COL17A1: variants seen among roughly 807,000 people sequenced by gnomAD.
COL17A1 encodes collagen type XVII alpha 1 chain, also known as collagen alpha-1(XVII) chain.
A neutral mutation model predicts 218.4 loss-of-function variants in COL17A1; 181 were observed. That is an observed-to-expected ratio of 0.83 (90% CI 0.73 to 0.94). The LOEUF (loss-of-function observed/expected upper bound fraction) is 0.94, where lower values mean the gene tolerates loss of function less well. COL17A1 is among the 40% of genes least tolerant of loss of function. The pLI is 0.00. For synonymous variants in COL17A1, 721 were observed against 731.0 expected, an observed-to-expected ratio of 0.99 and a Z score of 0.22; for missense variants, 1,924 against 1,945.9, an observed-to-expected ratio of 0.99 and a Z score of 0.21.
At chr10:104,038,279 C>G in intron 45 of COL17A1, 127 bp downstream of exon 45, 1 of 887,712 alleles carries the variant, frequency 1.1e-6, no homozygotes, top group Non-Finnish European at 1.8e-6. Context: ...CACACACACA[C>G]ACTCCCACTG....
At position 104,059,683 on chromosome 10, in the gene COL17A1, G is replaced by T. The variant is rs965570529; in HGVS notation, c.1177C>A (p.Gln393Lys). 5 of 1,614,086 alleles carry T rather than the reference G, an allele frequency of 3.1e-6. No individual in the cohort carries two copies. The highest frequency in any genetic ancestry group is 4.2e-6 in the Non-Finnish European group (5 of 1,180,042). The change falls in exon 15 of 56, where the codon CAA (glutamine) becomes AAA (lysine). Residue 393 changes from glutamine (Q) to lysine (K), a missense_variant. By Grantham distance (53) the Gln-to-Lys change is moderately conservative (BLOSUM62 1). Transcript: ENST00000648076. ...FSEDTLKKEK[Q>K]AAYNADSGLK... ...CCTGAGTCAGCATTGTAGGCAGCTTGCTTTTCTTTTTTTAGGGTGTCTTCT... is the reference window on the plus strand; with the variant it reads ...CCTGAGTCAGCATTGTAGGCAGCTTTCTTTTCTTTTTTTAGGGTGTCTTCT...
rs142902300 is a variant in COL17A1, at chr10:104,035,321, C to G, written c.3561G>C (p.Gly1187=). ...VGPPGPPGPP[G]IPGNVWSSIS... is the part of the protein sequence containing the mutation. ...TGCTGGACCACACATTGCCTGGGAT[C>G]CCTGGTGGACCCGGGGGACCTGGGG... Residue 1187 remains glycine, a synonymous_variant, in exon 50 of 56, where the codon GGG becomes GGC. Coordinates refer to ENST00000648076, the MANE Select transcript of COL17A1 (RefSeq NM_000494.4). 1.9e-6 allele frequency: 3 copies of G among 1,614,096 alleles called. No individual in the cohort carries two copies. In the African/African-American group the frequency reaches 4.0e-5, roughly 22 times the overall value.
In COL17A1 at chr10:104,037,816, G is replaced by C. The variant is rs750084527; in HGVS notation, c.3071-43C>G. 6.2e-6 allele frequency: 10 copies of C among 1,607,104 alleles called. No individual in the cohort carries two copies. In the Admixed American group the frequency reaches 1.7e-4, roughly 27 times the overall value. On this transcript the variant is annotated intron_variant, in intron 45 of 55. Coordinates refer to ENST00000648076, the MANE Select transcript of COL17A1 (RefSeq NM_000494.4). ...AAGCAAAGTCAAGCCTGTCCCAAGA[G>C]GACATGTTCTCCCCACGGAGGTGAC...
Position 104,057,113 on chromosome 10 carries a change from C to T in COL17A1, c.1327G>A (p.Gly443Ser). Reference sequence around the variant, plus strand: ...GGTCCCCAAGGGCCGCCGCCAGCGCCACCAACACCGCCACCTCCTCCACTG... The same window carrying T: ...GGTCCCCAAGGGCCGCCGCCAGCGCTACCAACACCGCCACCTCCTCCACTG... ...GGSGGGGGVG[G>S]AGGGPWGPAP... Residue 443 changes from glycine (G) to serine (S), a missense_variant, in exon 17 of 56, where the codon GGC becomes AGC. Coordinates refer to ENST00000648076, the MANE Select transcript of COL17A1 (RefSeq NM_000494.4). The T allele has an allele frequency of 6.2e-7, 1 of 1,602,844 alleles. No individual in the cohort carries two copies. Among genetic ancestry groups the T allele is most frequent in the Non-Finnish European group, 8.5e-7 (1 of 1,179,492 alleles).
At chr10:104,043,796 A>T in intron 34 of COL17A1, 29 bp downstream of exon 34, 1 of 1,613,280 alleles carries the variant, frequency 6.2e-7, no homozygotes. Context: ...AAAGACACAG[A>T]AAGGAGGGTC....
chr10:104,043,614 C>T (rs777365959), intron 34 of COL17A1, 33 bp from the exon 35 acceptor site: 39 of 1,610,988 alleles, frequency 2.4e-5, no homozygotes, highest in Admixed American at 2.0e-4. Context: ...ACATTGAGCC[C>T]TACTTTTCTC....
intron 46 of COL17A1, 54 bp downstream of exon 46, chr10:104,037,582 A>G: frequency 6.2e-7 from 1 of 1,610,222 alleles, no homozygotes; most frequent in Non-Finnish European, 8.5e-7. Flanking sequence ...TCTGGGAGCA[A>G]AAGCAGACCC....
chr10:104,081,243 C>A (rs1324415705), intron 1 of COL17A1, among the ~76,000 whole-genome samples: 1 of 152,122 alleles, frequency 6.6e-6, no homozygotes, highest in Admixed American at 6.5e-5. Context: ...TTACTCTTCT[C>A]AAAGTATGAA....
At position 104,070,551 on chromosome 10, in the gene COL17A1, A is replaced by T; in HGVS notation, c.482T>A (p.Val161Asp). The change falls in exon 9 of 56, where the codon GTT (valine) becomes GAT (aspartate). Residue 161 changes from valine (V) to aspartate (D), a missense_variant. Physicochemically the swap from Val to Asp is radical, Grantham distance 152. Coordinates refer to ENST00000648076, the MANE Select transcript of COL17A1 (RefSeq NM_000494.4). ...TCGACTCCCCTTGAGCAAACGCTTA[A>T]CATCATCCAATTCTGTCCCTGTGAA... is the stretch of plus-strand genomic sequence containing the variant. ...PSTRWTELDD[V>D]KRLLKGSRSA... 6.2e-7 allele frequency: 1 copy of T among 1,614,180 alleles called. No individual in the cohort carries two copies. The highest frequency in any genetic ancestry group is 1.3e-5 in the African/African-American group (1 of 75,026).
intron 9 of COL17A1, among the ~76,000 whole-genome samples, chr10:104,067,884 C>T (rs544969586): frequency 7.5e-4 from 113 of 150,812 alleles, no homozygotes; most frequent in African/African-American, 2.6e-3. Flanking sequence ...GAGAAAGAGA[C>T]GGGAAAAGAC....
intron 28 of COL17A1, 137 bp downstream of exon 28, chr10:104,049,952 G>T: frequency 7.2e-7 from 1 of 1,381,238 alleles, no homozygotes; most frequent in Non-Finnish European, 1.0e-6. Context: ...CTCATCTTGT[G>T]TTTTTTCTAG....
At chr10:104,074,377 T>C (rs2086692390) in intron 5 of COL17A1, 146 bp from the exon 6 acceptor site, 3 of 1,194,726 alleles carry the variant, frequency 2.5e-6, no homozygotes, top group South Asian at 1.3e-5. Flanking sequence ...TCAGCATGCA[T>C]GTCAAAGGAG....
chr10:104,036,428 C>T (rs2086299210), intron 48 of COL17A1, 64 bp downstream of exon 48: 1 of 1,607,506 alleles, frequency 6.2e-7, no homozygotes, highest in Non-Finnish European at 8.5e-7. Context: ...GGGAAGTTCA[C>T]GCTGCGAGTC....
chr10:104,054,093 T>C lies in COL17A1; in HGVS notation c.1770A>G (p.Pro590=), dbSNP rs750188413. 2 of 1,612,268 alleles carry C rather than the reference T, an allele frequency of 1.2e-6. No homozygotes were observed. The highest frequency in any genetic ancestry group is 2.7e-5 in the African/African-American group (2 of 74,890). The change falls in exon 21 of 56, where the codon CCA becomes CCG. Residue 590 remains proline, a splice_region_variant and synonymous_variant. Coordinates refer to ENST00000648076, the MANE Select transcript of COL17A1 (RefSeq NM_000494.4). ...TGGAGGTCATCAGAGAGTACATACC[T>C]GGAGTCCCAGGGAACCCTCGATCTC... The part of the protein sequence containing the change: ...PKGDRGFPGT[P]GIPGPLGHPG...
intron 6 of COL17A1, 128 bp downstream of exon 6, chr10:104,074,056 G>A (rs1444416837): frequency 3.5e-6 from 5 of 1,439,280 alleles, no homozygotes; most frequent in East Asian, 4.6e-5. Context: ...TAGGTCAGCA[G>A]GGGTCAAACT....
chr10:104,071,811 A>G (rs1012217047), intron 8 of COL17A1, among the ~76,000 whole-genome samples: 3 of 152,136 alleles, frequency 2.0e-5, no homozygotes, highest in Non-Finnish European at 4.4e-5. Context: ...TCTGTGAACT[A>G]CTACACAGCA....
intron 24 of COL17A1, 105 bp downstream of exon 24, chr10:104,052,050 G>C (rs531876222): frequency 4.7e-6 from 7 of 1,495,918 alleles, no homozygotes; most frequent in East Asian, 2.3e-5. Context: ...GCCTGGGGCA[G>C]GGGGTTAGGG....
rs78170216 is a variant in COL17A1, at chr10:104,068,329, C to T, written c.607+2097G>A. Among the ~76,000 whole-genome samples the T allele has an allele frequency of 7.6e-3, 1,160 of 152,238 alleles. 8 individuals carry two copies. Among genetic ancestry groups the T allele is most frequent in the Non-Finnish European group, 0.01 (713 of 68,012 alleles). On this transcript the variant is annotated intron_variant, in intron 9 of 55. Coordinates refer to ENST00000648076, the MANE Select transcript of COL17A1 (RefSeq NM_000494.4). ...AATGTCAAACTAAAGTTAAACCAGACCTTAATATCAAACTAAAGTTAAACC... is the reference window on the plus strand; with the variant it reads ...AATGTCAAACTAAAGTTAAACCAGATCTTAATATCAAACTAAAGTTAAACC...
chr10:104,081,924 A>G (rs556846076), intron 1 of COL17A1, among the ~76,000 whole-genome samples: 1 of 152,316 alleles, frequency 6.6e-6, no homozygotes, highest in East Asian at 1.9e-4. Context: ...GAATTTTAAA[A>G]AGTTTTTTGA....
Sources: gnomAD v4.1 joint callset for allele counts (sites outside exome capture counted in the v4.1 genomes callset) on GRCh38, gnomAD v4.1.1 for gene constraint, MANE v1.5 for transcripts, NCBI Gene and HGNC (gene_info 2026-07-23, HGNC 2026-07-21) for gene names.